The following ARL13B variants were observed in gnomAD, a reference collection of about 807,000 sequenced individuals.
ARL13B encodes the protein ARF like GTPase 13B.
In ARL13B, 36 loss-of-function variants were observed where a neutral mutation model predicts 56.1. That is an observed-to-expected ratio of 0.64 (90% confidence interval 0.49 to 0.85). The LOEUF (loss-of-function observed/expected upper bound fraction) is 0.85, where lower values mean the gene tolerates loss of function less well. Ranked by LOEUF, ARL13B falls within the 40% of genes least tolerant of loss-of-function variation. ARL13B has a pLI of 0.00. For synonymous variants in ARL13B, 178 were observed against 171.1 expected (o/e 1.04, Z -0.32); for missense variants, 519 against 507.1 (o/e 1.02, Z -0.23).
chr3:94,047,335 C>T lies in ARL13B; in HGVS notation c.1025-2071C>T, dbSNP rs187765825. On this transcript the variant is annotated intron_variant, in intron 7 of 9. Transcript: ENST00000394222. Reference sequence around the variant, plus strand: ...GGGAAGTTAGGGCAGTCATATATTACCCATGTAACTGTCAGCAGAGTTAAA... The same window carrying T: ...GGGAAGTTAGGGCAGTCATATATTATCCATGTAACTGTCAGCAGAGTTAAA... Among the ~76,000 whole-genome samples, 187 of 152,156 alleles carry T rather than the reference C, an allele frequency of 1.2e-3. 2 individuals carry two copies. Among genetic ancestry groups the T allele is most frequent in the African/African-American group, 4.3e-3 (178 of 41,524 alleles).
intron 3 of ARL13B, among the ~76,000 whole-genome samples, chr3:94,010,989 C>A (rs548220814): frequency 7.2e-5 from 11 of 152,074 alleles, no homozygotes; most frequent in South Asian, 6.2e-4. Flanking sequence ...AGTTTATCAT[C>A]TTTTAAGTTT....
At chr3:94,025,401 C>T (rs2076535185) in intron 3 of ARL13B, among the ~76,000 whole-genome samples, 1 of 152,066 alleles carries the variant, frequency 6.6e-6, no homozygotes, top group African/African-American at 2.4e-5. Context: ...AAAGGTTATA[C>T]TGTGTTTGTC....
chr3:94,017,648 A>G (rs959405991), intron 3 of ARL13B, among the ~76,000 whole-genome samples: 2 of 152,232 alleles, frequency 1.3e-5, no homozygotes, highest in Non-Finnish European at 2.9e-5. Flanking sequence ...TAGGGTGAGA[A>G]GGACAATATA....
chr3:94,014,759 C>G (rs750438376), intron 3 of ARL13B: 1 of 1,613,536 alleles, frequency 6.2e-7, no homozygotes, highest in Non-Finnish European at 8.5e-7. Context: ...CCAGCAACTT[C>G]AAGCTGACGT....
chr3:94,022,720 G>C (rs1331491438), intron 3 of ARL13B, among the ~76,000 whole-genome samples: 4 of 151,782 alleles, frequency 2.6e-5, no homozygotes, highest in African/African-American at 9.7e-5. Flanking sequence ...ACTTCTTATT[G>C]ACATATTTAT....
At chr3:94,040,098 A>G in intron 6 of ARL13B, 110 bp downstream of exon 6, 1 of 898,176 alleles carries the variant, frequency 1.1e-6, no homozygotes, top group Non-Finnish European at 1.8e-6. Context: ...GTTTCTTCTG[A>G]GAGATTATTT....
intron 3 of ARL13B, among the ~76,000 whole-genome samples, chr3:94,020,324 A>C (rs911335290): frequency 6.6e-6 from 1 of 152,286 alleles, no homozygotes; most frequent in African/African-American, 2.4e-5. Context: ...CATGATCTCT[A>C]TTCTATAGAT....
chr3:94,036,870 C>G, intron 5 of ARL13B, 116 bp downstream of exon 5: 1 of 1,202,862 alleles, frequency 8.3e-7, no homozygotes, highest in Non-Finnish European at 1.2e-6. Context: ...AAGGAAGACA[C>G]TAGGTAAATT....
chr3:94,030,177 C>G (rs551789721), intron 3 of ARL13B, among the ~76,000 whole-genome samples: 6 of 152,154 alleles, frequency 3.9e-5, no homozygotes, highest in African/African-American at 7.2e-5. Context: ...TAGTTCCTTT[C>G]TGATTGTACC....
intron 3 of ARL13B, chr3:94,028,595 A>G (rs1166611462): frequency 1.3e-5 from 2 of 152,226 alleles, no homozygotes; most frequent in African/African-American, 4.8e-5. Context: ...GTGAAAATAG[A>G]TTGCTTACTT....
chr3:94,044,555 C>T (rs553231633), intron 7 of ARL13B, among the ~76,000 whole-genome samples: 20 of 133,030 alleles, frequency 1.5e-4, no homozygotes, highest in South Asian at 1.3e-3. Flanking sequence ...AGGTGAGGAG[C>T]GCCTCTGCCT....
intron 1 of ARL13B, among the ~76,000 whole-genome samples, chr3:93,981,462 T>C (rs1404167815): frequency 2.6e-5 from 4 of 152,174 alleles, no homozygotes; most frequent in Non-Finnish European, 5.9e-5. Context: ...ACTTACACAT[T>C]ATAACAGAAA....
At chr3:94,029,327 TATA>T (rs1559997613) in intron 3 of ARL13B, among the ~76,000 whole-genome samples, 18 of 101,944 alleles carry the variant, frequency 1.8e-4, no homozygotes, top group African/African-American at 7.6e-4. Context: ...TATATATATA[TATA>T]TATATTTATT....
chr3:93,983,871 C>T (rs1249350543), intron 1 of ARL13B, among the ~76,000 whole-genome samples: 1 of 152,100 alleles, frequency 6.6e-6, no homozygotes, highest in African/African-American at 2.4e-5. Context: ...GGTTTAGGAG[C>T]ACTGAACCCT....
rs752990716 is a variant in ARL13B, at chr3:94,055,079, AAATAT to A, written c.*1823_*1827del. On this transcript the variant is annotated 3_prime_UTR_variant, in exon 10 of 10. Transcript: ENST00000394222. Reference sequence around the variant, plus strand: ...AATAAAAATAAATGATTTTGAAATTAAATATAATATAGAATTCACATTTTATATAG... The same window carrying A: ...AATAAAAATAAATGATTTTGAAATTAAATATAGAATTCACATTTTATATAG... The A allele has an allele frequency of 8.5e-4, 310 of 366,000 alleles. 3 individuals carry two copies. Among genetic ancestry groups the A allele is most frequent in the Non-Finnish European group, 4.7e-4 (90 of 190,150 alleles). 22.7% of individuals were successfully genotyped at this position (366,000 alleles called of 1,614,324 possible).
chr3:93,987,273 A>G (rs1710517771), intron 1 of ARL13B, among the ~76,000 whole-genome samples: 1 of 152,050 alleles, frequency 6.6e-6, no homozygotes, highest in Non-Finnish European at 1.5e-5. Context: ...GATTACAGGC[A>G]TAAGCCATTG....
chr3:93,991,672 A>G (rs1225044146), intron 1 of ARL13B, among the ~76,000 whole-genome samples: 1 of 152,192 alleles, frequency 6.6e-6, no homozygotes, highest in Non-Finnish European at 1.5e-5. Flanking sequence ...TGTCCGTCCA[A>G]TTTATCATAT....
chr3:94,020,705 G>C (rs1235636824), intron 3 of ARL13B, among the ~76,000 whole-genome samples: 1 of 152,126 alleles, frequency 6.6e-6, no homozygotes, highest in Non-Finnish European at 1.5e-5. Context: ...TGACTATATT[G>C]CTGAGCATTT....
intron 3 of ARL13B, among the ~76,000 whole-genome samples, chr3:94,018,729 T>C (rs1452590977): frequency 1.3e-5 from 2 of 152,156 alleles, no homozygotes; most frequent in African/African-American, 2.4e-5. Flanking sequence ...CTGGCAACTC[T>C]ATTTTTCCAG....
Sources: allele counts gnomAD v4.1 joint callset (sites outside exome capture counted in the v4.1 genomes callset), GRCh38; gene constraint gnomAD v4.1.1; transcripts MANE v1.5; gene names NCBI Gene and HGNC (gene_info 2026-07-23, HGNC 2026-07-21).